ADGRB3: variants seen among roughly 807,000 people sequenced by gnomAD.
ADGRB3 encodes the protein adhesion G protein-coupled receptor B3, also known as brain-specific angiogenesis inhibitor 3.
A neutral mutation model predicts 193.4 loss-of-function variants in ADGRB3; 37 were observed. That is an observed-to-expected ratio of 0.19 (90% CI 0.15 to 0.25). ADGRB3 has a LOEUF of 0.25. Among genes scored for constraint, ADGRB3 ranks in the 10% least tolerant of loss-of-function variants. ADGRB3 has a pLI of 1.00. For missense variants in ADGRB3, 1,637 were observed against 1,852.9 expected, an observed-to-expected ratio of 0.88 and a Z score of 2.14; for synonymous variants, 690 against 644.2, an observed-to-expected ratio of 1.07 and a Z score of -1.08.
intron 19 of ADGRB3, among the ~76,000 whole-genome samples, chr6:69,238,341 A>G (rs1232752235): frequency 6.6e-6 from 1 of 152,108 alleles, no homozygotes. Flanking sequence ...TTACTCTTTC[A>G]GGGTAAACAG....
Position 68,746,395 on chromosome 6 carries a change from A to G in ADGRB3, c.757+106963A>G, listed in dbSNP as rs138895868. On this transcript the variant is annotated intron_variant, in intron 3 of 31. Coordinates refer to ENST00000370598, the MANE Select transcript of ADGRB3 (RefSeq NM_001704.3). Reference sequence around the variant, plus strand: ...TATTTTCTTCTTATTGATTCACAAGAGCCCTTTCTATAACTATGTTTAGGA... The same window carrying G: ...TATTTTCTTCTTATTGATTCACAAGGGCCCTTTCTATAACTATGTTTAGGA... Among the ~76,000 whole-genome samples the G allele has an allele frequency of 9.9e-5, 15 of 152,164 alleles. No individual in the cohort carries two copies. The East Asian group carries it at 2.9e-3, about 29-fold the overall frequency.
In ADGRB3 at chr6:69,265,540, T is replaced by G. The variant is rs899613314; in HGVS notation, c.2814+26314T>G. Among the ~76,000 whole-genome samples the G allele has an allele frequency of 2.0e-5, 3 of 151,958 alleles. No individual in the cohort carries two copies. In the East Asian group the frequency reaches 5.8e-4, roughly 29 times the overall value. ...TCTCTCAATTTGATTAGAATTTAAC[T>G]TAATTGTGAAAGCCTCTAAATTGAA... is the stretch of plus-strand genomic sequence containing the variant. On this transcript the variant is annotated intron_variant, in intron 20 of 31. Coordinates refer to ENST00000370598, the MANE Select transcript of ADGRB3 (RefSeq NM_001704.3).
chr6:68,765,178 C>A (rs982851589), intron 3 of ADGRB3, among the ~76,000 whole-genome samples: 5 of 151,980 alleles, frequency 3.3e-5, no homozygotes, highest in Non-Finnish European at 7.4e-5. Context: ...TTTTTACTAT[C>A]TTTTTGCCCT....
At chr6:69,057,997 T>G (rs1264424818) in intron 15 of ADGRB3, among the ~76,000 whole-genome samples, 4 of 151,942 alleles carry the variant, frequency 2.6e-5, no homozygotes, top group Non-Finnish European at 5.9e-5. Context: ...TTTGGAAGAC[T>G]TTGAGAATGA....
At chr6:68,799,067 C>T (rs896292909) in intron 3 of ADGRB3, among the ~76,000 whole-genome samples, 1 of 152,046 alleles carries the variant, frequency 6.6e-6, no homozygotes, top group African/African-American at 2.4e-5. Flanking sequence ...TAATAGAAAA[C>T]ATAAATACCT....
At chr6:68,664,918 G>A (rs1768761890) in intron 3 of ADGRB3, among the ~76,000 whole-genome samples, 1 of 151,894 alleles carries the variant, frequency 6.6e-6, no homozygotes, top group Non-Finnish European at 1.5e-5. Flanking sequence ...TTCCATCAGA[G>A]TTTAGTCTTA....
intron 20 of ADGRB3, among the ~76,000 whole-genome samples, chr6:69,271,731 C>A (rs1410226344): frequency 6.6e-6 from 1 of 152,086 alleles, no homozygotes; most frequent in Admixed American, 6.6e-5. Context: ...CTTGAAAGTT[C>A]ATGAAAACAC....
chr6:69,243,469 C>G (rs1766426134), intron 20 of ADGRB3, among the ~76,000 whole-genome samples: 1 of 151,798 alleles, frequency 6.6e-6, no homozygotes, highest in African/African-American at 2.4e-5. Flanking sequence ...TGTCTGGACA[C>G]AGAATGATTA....
In ADGRB3 at chr6:69,081,994, A is replaced by G. The variant is rs185682954; in HGVS notation, c.2480+5956A>G. On this transcript the variant is annotated intron_variant, in intron 17 of 31. Transcript: ENST00000370598. The stretch of plus-strand genomic sequence containing the variant: ...TTGTCCATCTAACATTGGGGTTTGC[A>G]CACTACAACCTGTGTCACAAATACA... 1.6e-4 allele frequency among the ~76,000 whole-genome samples: 25 copies of G among 152,218 alleles called. 1 individual carries two copies. In the East Asian group the frequency reaches 4.6e-3, roughly 28 times the overall value.
intron 20 of ADGRB3, among the ~76,000 whole-genome samples, chr6:69,294,135 GT>G (rs1767757784): frequency 6.6e-6 from 1 of 151,632 alleles, no homozygotes; most frequent in Non-Finnish European, 1.5e-5. Context: ...ACCTGGAGAG[GT>G]TTCTGTTTTC....
chr6:69,057,093 A>C (rs867970890), intron 15 of ADGRB3, among the ~76,000 whole-genome samples: 3 of 151,858 alleles, frequency 2.0e-5, no homozygotes, highest in African/African-American at 4.8e-5. Context: ...AATGTTTTAT[A>C]GTTTTCAATG....
intron 3 of ADGRB3, among the ~76,000 whole-genome samples, chr6:68,883,624 C>T (rs1765804532): frequency 6.6e-6 from 1 of 152,078 alleles, no homozygotes; most frequent in African/African-American, 2.4e-5. Context: ...ACTCCAGAGG[C>T]ACTGCCTTAA....
intron 11 of ADGRB3, among the ~76,000 whole-genome samples, chr6:69,003,794 C>A (rs540798672): frequency 6.6e-6 from 1 of 152,076 alleles, no homozygotes; most frequent in African/African-American, 2.4e-5. Flanking sequence ...TAAATCCTAC[C>A]GTGAACGAAT....
intron 19 of ADGRB3, 89 bp downstream of exon 19, chr6:69,235,224 C>G: frequency 3.9e-6 from 4 of 1,016,378 alleles, no homozygotes; most frequent in Non-Finnish European, 6.0e-6. Context: ...TGTCTCCTGT[C>G]TTCTTAATTT....
At chr6:68,650,913 A>G (rs1313108341) in intron 3 of ADGRB3, among the ~76,000 whole-genome samples, 3 of 152,124 alleles carry the variant, frequency 2.0e-5, no homozygotes, top group Non-Finnish European at 4.4e-5. Context: ...TTTTTTTTGA[A>G]TAGGCAATGC....
chr6:69,013,953 A>G (rs1770016027), intron 11 of ADGRB3, 85 bp from the exon 12 acceptor site: 1 of 806,198 alleles, frequency 1.2e-6, no homozygotes, highest in African/African-American at 1.8e-5. Context: ...TTATACCTTT[A>G]CCACGTAGTC....
chr6:69,247,301 AAGGGCACTCCTTC>A (rs764922596), intron 20 of ADGRB3, among the ~76,000 whole-genome samples: 1 of 152,178 alleles, frequency 6.6e-6, no homozygotes, highest in African/African-American at 2.4e-5. Context: ...GGGAAATAAA[AAGGGCACTCCTTC>A]AGGGCAGATG....
At chr6:69,060,247 T>TC (rs1554255661) in intron 15 of ADGRB3, among the ~76,000 whole-genome samples, 2 of 150,900 alleles carry the variant, frequency 1.3e-5, no homozygotes, top group Non-Finnish European at 3.0e-5. Flanking sequence ...TCTCTCTCTC[T>TC]CTCCTCCTCT....
intron 17 of ADGRB3, among the ~76,000 whole-genome samples, chr6:69,123,311 A>G (rs761121234): frequency 2.0e-5 from 3 of 152,214 alleles, no homozygotes; most frequent in Non-Finnish European, 4.4e-5. Context: ...TCACGTAAGT[A>G]CAAATTAAGT....
Sources: allele counts gnomAD v4.1 joint callset (sites outside exome capture counted in the v4.1 genomes callset), GRCh38; gene constraint gnomAD v4.1.1; transcripts MANE v1.5; gene names NCBI Gene and HGNC (gene_info 2026-07-23, HGNC 2026-07-21).